Variants in EXOC4 observed in about 807,000 individuals in gnomAD.
EXOC4 encodes the protein SEC8-like 1.
EXOC4 carries 71 observed loss-of-function variants against 107.2 expected under a neutral mutation model. That is an observed-to-expected ratio of 0.66 (90% CI 0.55 to 0.81). The LOEUF is 0.81. Among genes scored for constraint, EXOC4 ranks in the 30% least tolerant of loss-of-function variants. The probability of loss-of-function intolerance (pLI) is 0.00; values close to 1 mark genes in which losing one functional copy is unlikely to be tolerated. For missense variants in EXOC4, 1,108 were observed against 1,189.6 expected (o/e 0.93, Z 1.01); for synonymous variants, 456 against 441.2 (o/e 1.03, Z -0.42).
chr7:133,446,274 A>C (rs1383367133), intron 7 of EXOC4, among the ~76,000 whole-genome samples: 1 of 152,138 alleles, frequency 6.6e-6, no homozygotes, highest in Non-Finnish European at 1.5e-5. Flanking sequence ...AAAACCTCTC[A>C]ATAAAACTGT....
At chr7:133,351,081 G>A (rs1254159683) in intron 5 of EXOC4, among the ~76,000 whole-genome samples, 1 of 151,830 alleles carries the variant, frequency 6.6e-6, no homozygotes, top group African/African-American at 2.4e-5. Flanking sequence ...ATAGTGTATA[G>A]TCCTATAAGT....
At chr7:133,430,230 T>C (rs954219788) in intron 7 of EXOC4, among the ~76,000 whole-genome samples, 2 of 152,214 alleles carry the variant, frequency 1.3e-5, no homozygotes, top group Non-Finnish European at 2.9e-5. Context: ...GACATTCAGT[T>C]GCTTCTTCTC....
intron 10 of EXOC4, among the ~76,000 whole-genome samples, chr7:133,632,401 T>G (rs1802612184): frequency 6.6e-6 from 1 of 152,198 alleles, no homozygotes; most frequent in African/African-American, 2.4e-5. Flanking sequence ...GTCTGAAAGG[T>G]AAGTTCATTC....
intron 10 of EXOC4, among the ~76,000 whole-genome samples, chr7:133,702,202 A>G (rs1794674656): frequency 6.6e-6 from 1 of 150,650 alleles, no homozygotes; most frequent in African/African-American, 2.4e-5. Flanking sequence ...TATATAACAT[A>G]CCATTAAAAT....
At chr7:133,312,551 T>A (rs1042485019) in intron 4 of EXOC4, among the ~76,000 whole-genome samples, 7 of 152,166 alleles carry the variant, frequency 4.6e-5, no homozygotes, top group African/African-American at 1.7e-4. Flanking sequence ...TGAAGATTTT[T>A]AAAAATGAAA....
intron 10 of EXOC4, among the ~76,000 whole-genome samples, chr7:133,808,327 A>C (rs1190312600): frequency 2.0e-5 from 3 of 151,816 alleles, no homozygotes; most frequent in Non-Finnish European, 2.9e-5. Flanking sequence ...ACCTTTATGG[A>C]TTTTTTTTCG....
In EXOC4 at chr7:134,057,784, G is replaced by A. The variant is rs1437168535; in HGVS notation, c.2688-6507G>A. ...GATTTTGAAGGACCAAGCAGGGGAC[G>A]CTGTAAAGGTTTAAAATCCAAAAAT... is the stretch of plus-strand genomic sequence containing the variant. On this transcript the variant is annotated intron_variant, in intron 17 of 17. Transcript: ENST00000253861. Among the ~76,000 whole-genome samples the A allele has an allele frequency of 4.6e-5, 7 of 152,202 alleles. No homozygotes were observed. The East Asian group carries it at 9.7e-4, about 21-fold the overall frequency.
chr7:133,434,631 A>G (rs1237776512), intron 7 of EXOC4, among the ~76,000 whole-genome samples: 1 of 152,104 alleles, frequency 6.6e-6, no homozygotes, highest in Non-Finnish European at 1.5e-5. Context: ...ATTAACTTTT[A>G]ATTTGGTGCA....
At position 133,939,564 on chromosome 7, in the gene EXOC4, A is replaced by G. The variant is rs577631517; in HGVS notation, c.2206+1495A>G. 2.0e-5 allele frequency among the ~76,000 whole-genome samples: 3 copies of G among 152,312 alleles called. No homozygotes were observed. The East Asian group carries it at 5.8e-4, about 29-fold the overall frequency. On this transcript the variant is annotated intron_variant, in intron 14 of 17. Coordinates refer to ENST00000253861, the MANE Select transcript of EXOC4 (RefSeq NM_021807.4). The stretch of plus-strand genomic sequence containing the variant: ...CTTATTTTTGAGACAGTCTTGCTGT[A>G]TTACCCAGGCTAGTCTTGAACTTCT...
rs979906711 is a variant in EXOC4 at position 134,051,782 on chromosome 7, G to A, written c.2688-12509G>A. Among the ~76,000 whole-genome samples, 20 of 151,996 alleles carry A rather than the reference G, an allele frequency of 1.3e-4. No individual in the cohort carries two copies. The South Asian group carries it at 1.9e-3, about 14-fold the overall frequency. The stretch of plus-strand genomic sequence containing the variant: ...GGGTGGATCACGAGGTCAGGAGATC[G>A]AGACCATCCTGGCTAACACAGTGAA... On this transcript the variant is annotated intron_variant, in intron 17 of 17. Transcript: ENST00000253861.
intron 9 of EXOC4, among the ~76,000 whole-genome samples, chr7:133,489,142 G>A (rs1333009169): frequency 6.6e-6 from 1 of 151,782 alleles, no homozygotes; most frequent in Non-Finnish European, 1.5e-5. Flanking sequence ...AAGAAGGTAA[G>A]GGCATAAATA....
At chr7:133,612,268 C>T (rs1485662354) in intron 9 of EXOC4, among the ~76,000 whole-genome samples, 1 of 152,174 alleles carries the variant, frequency 6.6e-6, no homozygotes, top group Non-Finnish European at 1.5e-5. Flanking sequence ...ATCATATCTT[C>T]ATGGGCAGAT....
intron 9 of EXOC4, among the ~76,000 whole-genome samples, chr7:133,536,092 C>T (rs1163082370): frequency 1.3e-5 from 2 of 152,030 alleles, no homozygotes; most frequent in Non-Finnish European, 2.9e-5. Context: ...TGGATTCTTG[C>T]TGCTCCACTT....
At chr7:133,460,173 T>G (rs772497233) in intron 7 of EXOC4, among the ~76,000 whole-genome samples, 2 of 152,196 alleles carry the variant, frequency 1.3e-5, no homozygotes, top group Non-Finnish European at 2.9e-5. Context: ...ATTAGTTAGA[T>G]TCTCGTAAGG....
chr7:133,791,457 A>T (rs1287719711), intron 10 of EXOC4, among the ~76,000 whole-genome samples: 2 of 152,340 alleles, frequency 1.3e-5, no homozygotes, highest in Admixed American at 6.5e-5. Flanking sequence ...AGGAACTTTA[A>T]TATTTGTTGG....
intron 9 of EXOC4, among the ~76,000 whole-genome samples, chr7:133,499,827 A>G (rs766210581): frequency 7.9e-5 from 12 of 151,998 alleles, no homozygotes; most frequent in Admixed American, 2.6e-4. Context: ...ATAATTATAC[A>G]TTTCCTGGGG....
At chr7:133,843,490 A>G (rs1160732170) in intron 11 of EXOC4, among the ~76,000 whole-genome samples, 2 of 152,178 alleles carry the variant, frequency 1.3e-5, no homozygotes, top group Non-Finnish European at 2.9e-5. Flanking sequence ...GTGTATAGGA[A>G]TACTACTGAT....
intron 10 of EXOC4, among the ~76,000 whole-genome samples, chr7:133,655,860 T>C (rs1803279926): frequency 6.6e-6 from 1 of 152,256 alleles, no homozygotes; most frequent in Non-Finnish European, 1.5e-5. Flanking sequence ...GGTAAATACG[T>C]AAACCAGTGA....
intron 7 of EXOC4, among the ~76,000 whole-genome samples, chr7:133,433,884 G>C (rs1412960087): frequency 6.6e-6 from 1 of 152,194 alleles, no homozygotes; most frequent in Non-Finnish European, 1.5e-5. Context: ...GTACTTGGAA[G>C]TTGTTTCTAG....
Sources: allele counts gnomAD v4.1 joint callset (sites outside exome capture counted in the v4.1 genomes callset), GRCh38; gene constraint gnomAD v4.1.1; transcripts MANE v1.5; gene names NCBI Gene and HGNC (gene_info 2026-07-23, HGNC 2026-07-21).